REXO2: variants seen among roughly 807,000 people sequenced by gnomAD.
REXO2 encodes oligoribonuclease, mitochondrial.
REXO2 carries 17 observed loss-of-function variants against 30.9 expected under a neutral mutation model. The observed-to-expected ratio is 0.55, with a 90% confidence interval of 0.38 to 0.82. The LOEUF (loss-of-function observed/expected upper bound fraction) is 0.82, where lower values mean the gene tolerates loss of function less well. Among genes scored for constraint, REXO2 ranks in the 40% least tolerant of loss-of-function variants. The pLI is 0.00. For missense variants in REXO2, 253 were observed against 293.2 expected (o/e 0.86, Z 1.00); for synonymous variants, 105 against 99.6 (o/e 1.05, Z -0.32).
At chr11:114,443,814 TC>T in intron 2 of REXO2, 41 bp from the exon 3 acceptor site, 12 of 1,428,144 alleles carry the variant, frequency 8.4e-6, no homozygotes, top group Non-Finnish European at 1.2e-5. Context: ...GTAAGGTTAT[TC>T]CTGTTGTTTC....
Position 114,444,349 on chromosome 11 carries a change from C to A in REXO2, c.310-192C>A, listed in dbSNP as rs1946499097. 9 of 636,044 alleles carry A rather than the reference C, an allele frequency of 1.4e-5. No individual in the cohort carries two copies. In the South Asian group the frequency reaches 1.5e-4, roughly 11 times the overall value. The allele number at this position is 636,044 out of a possible 1,614,324, so 39.4% of individuals were successfully genotyped here. A position where few individuals can be genotyped will look rare whatever the true frequency, so the allele number is the denominator to read the frequency against. ...ATGCTATTAACAGTCAGGATCATAACTAAGTTGGCTTGGATTCTTGAAGAA... is the reference window on the plus strand; with the variant it reads ...ATGCTATTAACAGTCAGGATCATAAATAAGTTGGCTTGGATTCTTGAAGAA... On this transcript the variant is annotated intron_variant, in intron 3 of 6. Coordinates refer to ENST00000265881, the MANE Select transcript of REXO2 (RefSeq NM_015523.4).
chr11:114,447,289 A>C (rs541681233), intron 5 of REXO2, among the ~76,000 whole-genome samples: 2 of 152,294 alleles, frequency 1.3e-5, no homozygotes, highest in East Asian at 3.9e-4. Flanking sequence ...AGGGCATGGA[A>C]ATGAGGGGCT....
In REXO2 at chr11:114,448,172, C is replaced by T. The variant is rs564275034; in HGVS notation, c.584+293C>T. On this transcript the variant is annotated intron_variant, in intron 6 of 6. Coordinates refer to ENST00000265881, the MANE Select transcript of REXO2 (RefSeq NM_015523.4). ...AGTAATGAACCGTGTTAACTTTCTTCCCACAGAAGATATGGACTTGCAGCC... is the reference window on the plus strand; with the variant it reads ...AGTAATGAACCGTGTTAACTTTCTTTCCACAGAAGATATGGACTTGCAGCC... Among the ~76,000 whole-genome samples, 29 of 152,262 alleles carry T rather than the reference C, an allele frequency of 1.9e-4. 1 individual carries two copies. The South Asian group carries it at 6.0e-3, about 32-fold the overall frequency.
At chr11:114,442,388 C>T (rs1272343100) in intron 2 of REXO2, among the ~76,000 whole-genome samples, 1 of 151,248 alleles carries the variant, frequency 6.6e-6, no homozygotes, top group Non-Finnish European at 1.5e-5. Context: ...TATTTTTTTT[C>T]ATTTTCATAG....
intron 2 of REXO2, among the ~76,000 whole-genome samples, chr11:114,443,639 A>G (rs568468219): frequency 6.6e-5 from 10 of 151,954 alleles, no homozygotes; most frequent in African/African-American, 2.2e-4. Flanking sequence ...TGTGTCATCT[A>G]TTTGTAGGAT....
Position 114,447,884 on chromosome 11 carries a change from G to A in REXO2, c.584+5G>A. The A allele has an allele frequency of 6.2e-7, 1 of 1,612,992 alleles. No individual in the cohort carries two copies. Among genetic ancestry groups the A allele is most frequent in the Non-Finnish European group, 8.5e-7 (1 of 1,179,336 alleles). ...AAAGAAGGCTGCTTCTCATAGGTAA[G>A]TTTGAGTTCTACCAAGCGTTTTCCA... is the stretch of plus-strand genomic sequence containing the variant. On this transcript the variant is annotated splice_donor_5th_base_variant and intron_variant, in intron 6 of 6. Coordinates refer to ENST00000265881, the MANE Select transcript of REXO2 (RefSeq NM_015523.4).
At chr11:114,440,867 G>T in intron 2 of REXO2, 128 bp downstream of exon 2, 1 of 647,688 alleles carries the variant, frequency 1.5e-6, no homozygotes, top group Non-Finnish European at 2.6e-6. Context: ...TAATGTGCTA[G>T]GTCATGGTAG....
intron 5 of REXO2, 40 bp from the exon 6 acceptor site, chr11:114,447,786 A>G: frequency 6.4e-7 from 1 of 1,555,644 alleles, no homozygotes; most frequent in Non-Finnish European, 8.8e-7. Flanking sequence ...AGTATATTTG[A>G]GACAGCTTCC....
intron 5 of REXO2, among the ~76,000 whole-genome samples, chr11:114,446,632 T>C (rs1167669696): frequency 6.6e-6 from 1 of 152,166 alleles, no homozygotes; most frequent in Admixed American, 6.5e-5. Context: ...GGCATTTTAT[T>C]GAGGAGAGAG....
In REXO2 at chr11:114,440,735, C is replaced by G; in HGVS notation, c.227C>G (p.Ala76Gly). The G allele has an allele frequency of 6.2e-7, 1 of 1,611,122 alleles. No individual in the cohort carries two copies. The highest frequency in any genetic ancestry group is 8.5e-7 in the Non-Finnish European group (1 of 1,177,452). Residue 76 changes from alanine to glycine, a missense_variant, in exon 2 of 7, where the codon GCT (alanine) becomes GGT (glycine). Ala to Gly is a moderately conservative substitution (Grantham distance 60, BLOSUM62 0). Transcript: ENST00000265881. ...ACTGACTCTGATCTCAACATTTTGG[C>G]TGAAGTACGTGATGCCATGTAATAC... ...LITDSDLNIL[A>G]EGPNLIIKQP...
intron 1 of REXO2, chr11:114,440,213 G>A: frequency 4.5e-6 from 2 of 447,136 alleles, no homozygotes; most frequent in East Asian, 1.4e-4. Context: ...GGCTTTCCAT[G>A]CCCGAAACAA....
At chr11:114,445,949 A>G in intron 4 of REXO2, 30 bp from the exon 5 acceptor site, 1 of 1,095,944 alleles carries the variant, frequency 9.1e-7, no homozygotes, top group Non-Finnish European at 1.4e-6. Flanking sequence ...CTAGAAATAT[A>G]GAGATGCAGT....
chr11:114,439,784 G>T (rs1402036141), intron 1 of REXO2, 109 bp downstream of exon 1: 2 of 1,335,348 alleles, frequency 1.5e-6, no homozygotes, highest in Non-Finnish European at 2.0e-6. Flanking sequence ...CTCAGGTGTG[G>T]CAGGTGAGCG....
At chr11:114,447,624 TC>T (rs1414194537) in intron 5 of REXO2, among the ~76,000 whole-genome samples, 1 of 152,034 alleles carries the variant, frequency 6.6e-6, no homozygotes, top group Non-Finnish European at 1.5e-5. Context: ...GATTTAGCAA[TC>T]TTACACACTG....
intron 2 of REXO2, chr11:114,441,773 T>G (rs1437978657): frequency 7.1e-6 from 5 of 702,282 alleles, no homozygotes; most frequent in Non-Finnish European, 1.3e-5. Context: ...TATTTCTAGA[T>G]TAATGACTGC....
Position 114,445,976 on chromosome 11 carries a change from T to G in REXO2, c.422-3T>G. On this transcript the variant is annotated splice_region_variant and splice_polypyrimidine_tract_variant and intron_variant, in intron 4 of 6. Transcript: ENST00000265881. Reference sequence around the variant, plus strand: ...AGATGCAGTATGCTTCGTGTCTTTCTAGGAAATTCAGTTCATGAAGATAAG... The same window carrying G: ...AGATGCAGTATGCTTCGTGTCTTTCGAGGAAATTCAGTTCATGAAGATAAG... 6.5e-7 allele frequency: 1 copy of G among 1,529,310 alleles called. No individual in the cohort carries two copies. The highest frequency in any genetic ancestry group is 9.1e-7 in the Non-Finnish European group (1 of 1,103,372). The allele number at this position is 1,529,310 out of a possible 1,614,324, so 94.7% of individuals were successfully genotyped here.
intron 6 of REXO2, 83 bp from the exon 7 acceptor site, chr11:114,449,763 C>G: frequency 7.2e-7 from 1 of 1,382,490 alleles, no homozygotes; most frequent in Non-Finnish European, 9.9e-7. Flanking sequence ...GTTCTTAAGT[C>G]GTTTTTTAAA....
At chr11:114,444,017 T>C in intron 3 of REXO2, 84 bp downstream of exon 3, 4 of 922,222 alleles carry the variant, frequency 4.3e-6, no homozygotes, top group South Asian at 1.4e-5. Flanking sequence ...ATACCATTGT[T>C]GGATGGTATT....
At chr11:114,440,612 G>C (rs777534791) in intron 1 of REXO2, 44 bp from the exon 2 acceptor site, 2 of 1,460,038 alleles carry the variant, frequency 1.4e-6, no homozygotes, top group South Asian at 1.2e-5. Context: ...AAAGAGGCCA[G>C]AATGATGGCT....
Sources: allele counts gnomAD v4.1 joint callset (sites outside exome capture counted in the v4.1 genomes callset), GRCh38; gene constraint gnomAD v4.1.1; transcripts MANE v1.5; gene names NCBI Gene and HGNC (gene_info 2026-07-23, HGNC 2026-07-21).